Variants in BNIPL observed in about 807,000 individuals in gnomAD.
BNIPL encodes BCL2 interacting protein like.
A neutral mutation model predicts 47.0 loss-of-function variants in BNIPL; 33 were observed. The ratio of observed to expected loss-of-function variants is 0.70; its 90% CI spans 0.53 to 0.94. The LOEUF (loss-of-function observed/expected upper bound fraction) is 0.94. Ranked by LOEUF, BNIPL falls within the 40% of genes least tolerant of loss-of-function variation. The probability of loss-of-function intolerance (pLI) is 0.00; values close to 1 mark genes in which losing one functional copy is unlikely to be tolerated. For missense variants in BNIPL, 404 were observed against 445.2 expected (o/e 0.91, Z 0.83); for synonymous variants, 145 against 162.7 (o/e 0.89, Z 0.83).
Position 151,047,669 on chromosome 1 carries a change from G to A in BNIPL, c.*982G>A. On this transcript the variant is annotated 3_prime_UTR_variant, in exon 10 of 10. Transcript: ENST00000368931. Reference sequence around the variant, plus strand: ...GTTCTGGCAGAGTTCTTGCCGCAGAGGTTCCTTAGGAGCACCCCGCGCGGC... The same window carrying A: ...GTTCTGGCAGAGTTCTTGCCGCAGAAGTTCCTTAGGAGCACCCCGCGCGGC... 2 of 1,019,280 alleles carry A rather than the reference G, an allele frequency of 2.0e-6. No individual in the cohort carries two copies. Among genetic ancestry groups the A allele is most frequent in the Non-Finnish European group, 1.4e-6 (1 of 736,642 alleles). The allele number at this position is 1,019,280 out of a possible 1,614,324, so 63.1% of individuals were successfully genotyped here.
chr1:151,040,017 C>T (rs1259178416), intron 4 of BNIPL, among the ~76,000 whole-genome samples: 1 of 151,992 alleles, frequency 6.6e-6, no homozygotes, highest in Admixed American at 6.6e-5. Flanking sequence ...TCCCAGTGTG[C>T]TGGGATTACA....
At chr1:151,038,465 G>C in intron 2 of BNIPL, 39 bp from the exon 3 acceptor site, 11 of 1,485,980 alleles carry the variant, frequency 7.4e-6, no homozygotes, top group Non-Finnish European at 1.0e-5. Context: ...GATGCCTTTG[G>C]TGTATATGTC....
rs949720335 is a variant in BNIPL at position 151,036,815 on chromosome 1, C to T, written c.41+49C>T. On this transcript the variant is annotated intron_variant, in intron 1 of 9. Transcript: ENST00000368931. ...GATTGGTAACAGTGAATAAACAGTC[C>T]GGAGAGACTTCCCCACCACCCAGCT... is the stretch of plus-strand genomic sequence containing the variant. 1.2e-5 allele frequency: 19 copies of T among 1,538,788 alleles called. No individual in the cohort carries two copies. The Middle Eastern group carries it at 5.0e-4, about 41-fold the overall frequency.
rs141116661 is a variant in BNIPL at position 151,041,644 on chromosome 1, C to G, written c.434-1312C>G. On this transcript the variant is annotated intron_variant, in intron 4 of 9. Transcript: ENST00000368931. ...AACAATAATAATAATATAATTTTCTCATTCAGGCAGCTACATGGATTCAGT... is the reference window on the plus strand; with the variant it reads ...AACAATAATAATAATATAATTTTCTGATTCAGGCAGCTACATGGATTCAGT... Among the ~76,000 whole-genome samples, 738 of 152,174 alleles carry G rather than the reference C, an allele frequency of 4.8e-3. 11 individuals carry two copies. Among genetic ancestry groups the G allele is most frequent in the African/African-American group, 0.017 (704 of 41,524 alleles).
chr1:151,043,715 C>T lies in BNIPL; in HGVS notation c.839C>T (p.Thr280Ile). Residue 280 changes from threonine to isoleucine, a missense_variant, in exon 7 of 10, where the codon ACC (threonine) becomes ATC (isoleucine). Physicochemically the swap from Thr to Ile is moderately conservative, Grantham distance 89. Transcript: ENST00000368931. Reference protein sequence around the residue: ...PLSWIRQCYRTLDRRLRKNLR... With the variant: ...PLSWIRQCYRILDRRLRKNLR... ...AGCTGGATACGTCAGTGTTACCGTA[C>T]CCTGGATCGGCGGTGAGACCTGGGA... 2 of 1,613,642 alleles carry T rather than the reference C, an allele frequency of 1.2e-6. No homozygotes were observed. Among genetic ancestry groups the T allele is most frequent in the African/African-American group, 1.3e-5 (1 of 75,024 alleles).
rs763931016 is a variant in BNIPL, at chr1:151,045,923, C to T, written c.938+40C>T. The T allele has an allele frequency of 3.1e-6, 5 of 1,613,792 alleles. No individual in the cohort carries two copies. In the African/African-American group the frequency reaches 5.3e-5, roughly 17 times the overall value. On this transcript the variant is annotated intron_variant, in intron 8 of 9. Transcript: ENST00000368931. ...AACAAGGACTCCTTTCTCCTTCCCC[C>T]CATTTTCAAAATCAAGATTAAGATC...
Position 151,036,777 on chromosome 1 carries a change from T to C in BNIPL, c.41+11T>C. The C allele has an allele frequency of 1.2e-6, 2 of 1,603,812 alleles. No individual in the cohort carries two copies. Among genetic ancestry groups the C allele is most frequent in the South Asian group, 1.1e-5 (1 of 90,848 alleles). The stretch of plus-strand genomic sequence containing the variant: ...AAAGACAGATGTTGGGTAAGTAAGA[T>C]CTTGGCTCACTTGATTGGTAACAGT... On this transcript the variant is annotated intron_variant, in intron 1 of 9. Transcript: ENST00000368931.
At chr1:151,044,995 T>A in intron 7 of BNIPL, 1 of 1,266,506 alleles carries the variant, frequency 7.9e-7, no homozygotes, top group Non-Finnish European at 1.0e-6. Flanking sequence ...TCGGGCGCGG[T>A]GGCTCACGTC....
chr1:151,038,426 G>C lies in BNIPL; in HGVS notation c.138-78G>C, dbSNP rs587717810. 2.8e-5 allele frequency: 29 copies of C among 1,045,344 alleles called. 2 individuals carry two copies. The African/African-American group carries it at 4.0e-4, about 14-fold the overall frequency. The allele number at this position is 1,045,344 out of a possible 1,614,324, so 64.8% of individuals were successfully genotyped here. On this transcript the variant is annotated intron_variant, in intron 2 of 9. Coordinates refer to ENST00000368931, the MANE Select transcript of BNIPL (RefSeq NM_138278.4). ...ATAGGTGATAAAATCATGGTGGGGA[G>C]AGAGAACCTATATATTGAGTCCTGG...
At chr1:151,036,882 G>A (rs1311090762) in intron 1 of BNIPL, 116 bp downstream of exon 1, 12 of 1,047,430 alleles carry the variant, frequency 1.1e-5, no homozygotes, top group Admixed American at 7.3e-5. Context: ...AGACAAGACT[G>A]TAAGAGAGTT....
intron 6 of BNIPL, 77 bp from the exon 7 acceptor site, chr1:151,043,519 G>A (rs928875501): frequency 2.1e-5 from 32 of 1,554,686 alleles, no homozygotes; most frequent in Non-Finnish European, 2.8e-5. Context: ...AGTAGCTGAT[G>A]GGAGAGTCTA....
rs1293519889 is a variant in BNIPL at position 151,047,474 on chromosome 1, A to C, written c.*787A>C. On this transcript the variant is annotated 3_prime_UTR_variant, in exon 10 of 10. Coordinates refer to ENST00000368931, the MANE Select transcript of BNIPL (RefSeq NM_138278.4). ...CCGCTGTATGCCCTTTTTCCTTCTA[A>C]GTCATGTCTGCTGCCTGTGAGCCTG... 3.4e-5 allele frequency: 7 copies of C among 206,290 alleles called. No individual in the cohort carries two copies. In the South Asian group the frequency reaches 5.4e-4, roughly 16 times the overall value. The allele number at this position is 206,290 out of a possible 1,614,324, so 12.8% of individuals were successfully genotyped here.
In BNIPL at chr1:151,038,514, G is replaced by T. The variant is rs778147472; in HGVS notation, c.148G>T (p.Glu50Ter). The T allele has an allele frequency of 1.9e-6, 3 of 1,613,122 alleles. No individual in the cohort carries two copies. The highest frequency in any genetic ancestry group is 1.6e-4 in the Middle Eastern group (1 of 6,080). ...TCTCTTCCCCTCTAGATTGCTTCCT[G>T]AGGAGGCTGGCACTTCTGAAGATCC... Reference protein sequence around the residue: ...QDEEFPRLLPEEAGTSEDPED... With the variant: ...QDEEFPRLLP The change falls in exon 3 of 10, where the codon GAG (glutamate) becomes TAG (stop). Residue 50 changes from glutamate (E) to a stop codon, truncating the protein, a stop_gained. Transcript: ENST00000368931. LOFTEE classifies it high-confidence loss of function.
chr1:151,044,054 G>A (rs770966402), intron 7 of BNIPL, among the ~76,000 whole-genome samples: 1 of 152,052 alleles, frequency 6.6e-6, no homozygotes, highest in Admixed American at 6.6e-5. Flanking sequence ...GCACGATCTC[G>A]GCTCACTGCC....
chr1:151,038,622 C>T, intron 3 of BNIPL, 54 bp downstream of exon 3: 1 of 1,596,932 alleles, frequency 6.3e-7, no homozygotes, highest in East Asian at 2.2e-5. Flanking sequence ...CAGTAAAGGG[C>T]TATGCCACCT....
At chr1:151,046,554 C>A in intron 9 of BNIPL, 97 bp from the exon 10 acceptor site, 1 of 1,140,926 alleles carries the variant, frequency 8.8e-7, no homozygotes, top group Non-Finnish European at 1.3e-6. Flanking sequence ...AATCATCTAG[C>A]TCTTCCAATT....
intron 2 of BNIPL, 99 bp downstream of exon 2, chr1:151,037,761 G>A (rs879100138): frequency 9.5e-7 from 1 of 1,055,632 alleles, no homozygotes; most frequent in South Asian, 1.4e-5. Flanking sequence ...AGCACTTTGG[G>A]TGGCCGAGGC....
At chr1:151,041,238 T>A (rs963850034) in intron 4 of BNIPL, among the ~76,000 whole-genome samples, 9 of 149,312 alleles carry the variant, frequency 6.0e-5, no homozygotes, top group East Asian at 2.0e-4. Flanking sequence ...GTATAGAGGG[T>A]CTATTGGAAA....
chr1:151,044,410 C>T (rs1009913980), intron 7 of BNIPL, among the ~76,000 whole-genome samples: 3 of 152,154 alleles, frequency 2.0e-5, no homozygotes, highest in African/African-American at 7.2e-5. Context: ...TCAGTCTTGC[C>T]ATTTATTTCC....
Sources: allele counts gnomAD v4.1 joint callset (sites outside exome capture counted in the v4.1 genomes callset), GRCh38; gene constraint gnomAD v4.1.1; transcripts MANE v1.5; gene names NCBI Gene and HGNC (gene_info 2026-07-23, HGNC 2026-07-21).